RPS6KC1: variants seen among roughly 807,000 people sequenced by gnomAD.
RPS6KC1 encodes the protein ribosomal protein S6 kinase C1.
RPS6KC1 carries 54 observed loss-of-function variants against 103.8 expected under a neutral mutation model. The observed-to-expected ratio is 0.52, with a 90% CI of 0.42 to 0.65. The LOEUF is 0.65. Ranked by LOEUF, RPS6KC1 falls within the 30% of genes least tolerant of loss-of-function variation. RPS6KC1 has a pLI of 0.00. For missense variants in RPS6KC1, 1,151 were observed against 1,253.8 expected, an observed-to-expected ratio of 0.92 and a Z score of 1.24; for synonymous variants, 439 against 438.7, an observed-to-expected ratio of 1.00 and a Z score of -0.01.
intron 4 of RPS6KC1, among the ~76,000 whole-genome samples, chr1:213,112,194 G>A (rs2083089311): frequency 6.6e-6 from 1 of 152,040 alleles, no homozygotes; most frequent in South Asian, 2.1e-4. Context: ...AGTGTTTGGA[G>A]GCATAGAACT....
intron 8 of RPS6KC1, among the ~76,000 whole-genome samples, chr1:213,222,335 A>G (rs1189096725): frequency 2.0e-5 from 3 of 152,188 alleles, no homozygotes; most frequent in Non-Finnish European, 4.4e-5. Flanking sequence ...AGCTGAAAAT[A>G]TCTTGTAGAC....
intron 3 of RPS6KC1, among the ~76,000 whole-genome samples, chr1:213,085,958 A>G (rs962888756): frequency 2.0e-5 from 3 of 151,966 alleles, no homozygotes; most frequent in Non-Finnish European, 2.9e-5. Flanking sequence ...ATTTTTAGGC[A>G]TAACAAGATG....
At position 213,241,517 on chromosome 1, in the gene RPS6KC1, G is replaced by A. The variant is rs1316789902; in HGVS notation, c.2041G>A (p.Val681Ile). 21 of 1,613,868 alleles carry A rather than the reference G, an allele frequency of 1.3e-5. No individual in the cohort carries two copies. Among genetic ancestry groups the A allele is most frequent in the Non-Finnish European group, 1.7e-5 (20 of 1,179,930 alleles). Residue 681 changes from valine (V) to isoleucine (I), a missense_variant, in exon 11 of 15, where the codon GTC becomes ATC. Physicochemically the swap from Val to Ile is conservative, Grantham distance 29. Around this residue, in one of 3 missense-constraint regions of RPS6KC1, gnomAD observed 959 missense variants for 1,006.3 expected, o/e 0.95. Coordinates refer to ENST00000366960, the MANE Select transcript of RPS6KC1 (RefSeq NM_012424.6). The part of the protein sequence containing the change: ...ISFKDAAFDD[V>I]SGTDEGRPDL... ...ATTTAAAGATGCTGCTTTTGATGATGTCAGTGGTACTGATGAAGGAAGACC... is the reference window on the plus strand; with the variant it reads ...ATTTAAAGATGCTGCTTTTGATGATATCAGTGGTACTGATGAAGGAAGACC...
chr1:213,169,731 A>G (rs1236730834), intron 7 of RPS6KC1, among the ~76,000 whole-genome samples: 1 of 151,478 alleles, frequency 6.6e-6, no homozygotes, highest in African/African-American at 2.4e-5. Flanking sequence ...TACTAAATCC[A>G]TCTTGTATAT....
the RPS6KC1 span, among the ~76,000 whole-genome samples, chr1:213,534,401 A>T: frequency 1.1e-4 from 16 of 152,122 alleles, no homozygotes; most frequent in African/African-American, 3.9e-4. Context: ...TCCTTACAAC[A>T]CCCGCTTGGT....
the RPS6KC1 span, among the ~76,000 whole-genome samples, chr1:213,666,787 C>G: frequency 6.6e-6 from 1 of 152,264 alleles, no homozygotes; most frequent in African/African-American, 2.4e-5. Flanking sequence ...CTTAAGCTCA[C>G]TCTAGCAGAG....
At chr1:213,142,380 T>G (rs2087163989) in intron 6 of RPS6KC1, among the ~76,000 whole-genome samples, 2 of 152,056 alleles carry the variant, frequency 1.3e-5, no homozygotes, top group African/African-American at 4.8e-5. Context: ...GTTCTTCTGG[T>G]TAAGAACCAT....
the RPS6KC1 span, among the ~76,000 whole-genome samples, chr1:213,658,188 G>C: frequency 6.6e-6 from 1 of 152,234 alleles, no homozygotes; most frequent in African/African-American, 2.4e-5. Context: ...GGGTTACATA[G>C]AGGGAGATTG....
the RPS6KC1 span, among the ~76,000 whole-genome samples, chr1:213,459,270 G>A: frequency 1.3e-5 from 2 of 152,008 alleles, no homozygotes; most frequent in Non-Finnish European, 2.9e-5. Context: ...ATTAATTACT[G>A]CCTCAATTTC....
At chr1:213,824,931 G>A in the RPS6KC1 span, among the ~76,000 whole-genome samples, 2 of 152,278 alleles carry the variant, frequency 1.3e-5, no homozygotes, top group Admixed American at 6.5e-5. Context: ...CTGCCTAAAG[G>A]CTGCTGCTTC....
intron 14 of RPS6KC1, among the ~76,000 whole-genome samples, chr1:213,268,699 A>C (rs1205360876): frequency 4.6e-5 from 7 of 151,088 alleles, no homozygotes. Flanking sequence ...AATAATAGAC[A>C]AAGGAAGGGG....
At chr1:213,402,814 T>C in the RPS6KC1 span, among the ~76,000 whole-genome samples, 1 of 152,086 alleles carries the variant, frequency 6.6e-6, no homozygotes, top group Non-Finnish European at 1.5e-5. Flanking sequence ...GCACTTGAGA[T>C]CATTCTGAAT....
In RPS6KC1 at chr1:213,223,796, A is replaced by G. The variant is rs553920668; in HGVS notation, c.1045-6701A>G. 4.6e-5 allele frequency among the ~76,000 whole-genome samples: 7 copies of G among 152,288 alleles called. No individual in the cohort carries two copies. The East Asian group carries it at 1.4e-3, about 29-fold the overall frequency. On this transcript the variant is annotated intron_variant, in intron 8 of 14. Transcript: ENST00000366960. The stretch of plus-strand genomic sequence containing the variant: ...TTAAGGAATCTCCATATTGTTTTCC[A>G]TAGTGGTTGTACTAATTTTCTATAG...
rs981519320 is a variant in RPS6KC1 at position 213,195,040 on chromosome 1, G to C, written c.1044+18548G>C. On this transcript the variant is annotated intron_variant, in intron 8 of 14. Transcript: ENST00000366960. Reference sequence around the variant, plus strand: ...AGAGAAGGGTGTGTGTGTGTTAGGGGGTGATTTGCAAGGGATAGCAGCAGG... The same window carrying C: ...AGAGAAGGGTGTGTGTGTGTTAGGGCGTGATTTGCAAGGGATAGCAGCAGG... Among the ~76,000 whole-genome samples, 36 of 152,212 alleles carry C rather than the reference G, an allele frequency of 2.4e-4. 1 individual carries two copies. Among genetic ancestry groups the C allele is most frequent in the Admixed American group, 3.3e-4 (5 of 15,288 alleles).
chr1:213,518,808 A>T, the RPS6KC1 span, among the ~76,000 whole-genome samples: 1 of 152,308 alleles, frequency 6.6e-6, no homozygotes, highest in South Asian at 2.1e-4. Context: ...TAGATGGTAG[A>T]TATTGATAAA....
At chr1:213,550,393 G>A in the RPS6KC1 span, among the ~76,000 whole-genome samples, 1 of 152,030 alleles carries the variant, frequency 6.6e-6, no homozygotes, top group Non-Finnish European at 1.5e-5. Context: ...CTTTGGAGAG[G>A]TCCTCTTTTT....
the RPS6KC1 span, among the ~76,000 whole-genome samples, chr1:213,756,703 A>G: frequency 1.3e-5 from 2 of 151,860 alleles, no homozygotes; most frequent in Non-Finnish European, 2.9e-5. Context: ...CTGCAGCCTC[A>G]CCCTCTGGGC....
At chr1:213,285,008 T>C in the RPS6KC1 span, among the ~76,000 whole-genome samples, 1 of 152,242 alleles carries the variant, frequency 6.6e-6, no homozygotes. Flanking sequence ...GTTATCAACA[T>C]GGAGAAACTC....
chr1:213,528,773 C>T, the RPS6KC1 span, among the ~76,000 whole-genome samples: 2 of 152,182 alleles, frequency 1.3e-5, no homozygotes, highest in African/African-American at 4.8e-5. Context: ...TTTCACCCTG[C>T]GTCCTCCAAG....
Sources: gnomAD v4.1 joint callset for allele counts (sites outside exome capture counted in the v4.1 genomes callset) on GRCh38, gnomAD v4.1.1 for gene constraint, gnomAD v4.1.1 regional missense constraint, MANE v1.5 for transcripts, NCBI Gene and HGNC (gene_info 2026-07-23, HGNC 2026-07-21) for gene names.